The following DPAGT1 variants were observed in gnomAD, a reference collection of about 807,000 sequenced individuals.
DPAGT1 encodes the protein dolichyl-phosphate N-acetylglucosaminephosphotransferase 1, also known as UDP-N-acetylglucosamine--dolichyl-phosphate N-acetylglucosaminephosphotransferase.
In DPAGT1, 25 loss-of-function variants were observed where a neutral mutation model predicts 39.3. The ratio of observed to expected loss-of-function variants is 0.64; its 90% CI spans 0.46 to 0.89. The LOEUF (loss-of-function observed/expected upper bound fraction) is 0.89, where lower values mean the gene tolerates loss of function less well. Among genes scored for constraint, DPAGT1 ranks in the 40% least tolerant of loss-of-function variants. The pLI, the probability that DPAGT1 is intolerant of heterozygous loss-of-function variation, is 0.00. For synonymous variants in DPAGT1, 193 were observed against 201.4 expected, an observed-to-expected ratio of 0.96 and a Z score of 0.36; for missense variants, 381 against 500.6, an observed-to-expected ratio of 0.76 and a Z score of 2.28.
Position 119,098,018 on chromosome 11 carries a change from C to A in DPAGT1, c.754G>T (p.Asp252Tyr). Residue 252 changes from aspartate (D) to tyrosine (Y), a missense_variant, in exon 6 of 9, where the codon GAT becomes TAT. Physicochemically the swap from Asp to Tyr is radical, Grantham distance 160. Transcript: ENST00000354202. ...NWYPSRVFVG[D>Y]TFCYFAGMTF... ...ATGCCAGCAAAGTAACAGAAGGTAT[C>A]TCCCACAAACACCCGTGATGGGTAC... is the stretch of plus-strand genomic sequence containing the variant. 1 of 1,614,222 alleles carries A rather than the reference C, an allele frequency of 6.2e-7. No individual in the cohort carries two copies. Among genetic ancestry groups the A allele is most frequent in the South Asian group, 1.1e-5 (1 of 91,090 alleles).
intron 4 of DPAGT1, among the ~76,000 whole-genome samples, chr11:119,099,825 T>C (rs955921395): frequency 6.9e-6 from 1 of 145,266 alleles, no homozygotes; most frequent in Non-Finnish European, 1.5e-5. Context: ...AGGAACTGAG[T>C]TGTTATTGGA....
At position 119,101,047 on chromosome 11, in the gene DPAGT1, C is replaced by G. The variant is rs781224323; in HGVS notation, c.253G>C (p.Glu85Gln). Residue 85 changes from glutamate (E) to glutamine (Q), a missense_variant, in exon 2 of 9, where the codon GAG (glutamate) becomes CAG (glutamine). Transcript: ENST00000354202. ...TGGTGGGGGAATGCCTTACACTGCT[C>G]CTTCACAAAGCAGTTCAGGAAGGGG... ...PFPFLNCFVK[E>Q]QCKAFPHHEF... is the part of the protein sequence containing the mutation. 8.7e-6 allele frequency: 14 copies of G among 1,614,052 alleles called. No homozygotes were observed. The highest frequency in any genetic ancestry group is 2.2e-5 in the South Asian group (2 of 91,076).
At chr11:119,099,421 CAAAAA>C (rs55735634) in intron 4 of DPAGT1, among the ~76,000 whole-genome samples, 6 of 113,156 alleles carry the variant, frequency 5.3e-5, no homozygotes, top group Admixed American at 1.9e-4. Flanking sequence ...AACTCCGTCT[CAAAAA>C]AAAAAAAAAA....
Position 119,097,270 on chromosome 11 carries a change from C to G in DPAGT1, c.1033G>C (p.Val345Leu), listed in dbSNP as rs1440605260. ...KVAESLQLVT[V>L]HQSETEDGEF... is the part of the protein sequence containing the mutation. ...CCATCTTCAGTCTCACTCTGGTGTA[C>G]TGTCACCAGCTGGAGGCTCTCTGCC... is the stretch of plus-strand genomic sequence containing the variant. The change falls in exon 8 of 9, where the codon GTA becomes CTA. Residue 345 changes from valine to leucine, a missense_variant. Transcript: ENST00000354202. The surrounding 1 kb of genome is among the most constrained non-coding windows in gnomAD (Gnocchi z 4.6). The G allele has an allele frequency of 2.5e-6, 4 of 1,614,080 alleles. No individual in the cohort carries two copies. Among genetic ancestry groups the G allele is most frequent in the African/African-American group, 2.7e-5 (2 of 74,912 alleles).
chr11:119,097,821 C>T lies in DPAGT1; in HGVS notation c.917+34G>A. ...GCATTAGATATCCCAAGTGAAAAGG[C>T]TATGATGTCCATTTCAAGCCAAAAA... On this transcript the variant is annotated intron_variant, in intron 6 of 8. Transcript: ENST00000354202. This position sits in a 1 kb window ranked among gnomAD's most constrained non-coding sequence, Gnocchi z 4.6. The T allele has an allele frequency of 6.2e-7, 1 of 1,612,860 alleles. No homozygotes were observed. The highest frequency in any genetic ancestry group is 2.2e-5 in the East Asian group (1 of 44,876).
chr11:119,100,429 A>G (rs760743805), intron 3 of DPAGT1, 21 bp from the exon 4 acceptor site: 22 of 1,614,164 alleles, frequency 1.4e-5, no homozygotes, highest in Non-Finnish European at 1.8e-5. Flanking sequence ...AGATGGTAGG[A>G]AAAGAAGTAG....
Position 119,097,222 on chromosome 11 carries a change from T to C in DPAGT1, c.1081A>G (p.Met361Val), listed in dbSNP as rs1239706049. 1.2e-6 allele frequency: 2 copies of C among 1,614,214 alleles called. No individual in the cohort carries two copies. The highest frequency in any genetic ancestry group is 1.7e-6 in the Non-Finnish European group (2 of 1,180,046). The change falls in exon 8 of 9, where the codon ATG (methionine) becomes GTG (valine). Residue 361 changes from methionine to valine, a missense_variant. Physicochemically the swap from Met to Val is conservative, Grantham distance 21 (BLOSUM62 1). Transcript: ENST00000354202. The surrounding 1 kb of genome is among the most constrained non-coding windows in gnomAD (Gnocchi z 4.6). ...EDGEFTECNN[M>V]TLINLLLKVL... is the part of the protein sequence containing the mutation. ...TTAAGTAGCAAGTTGATGAGGGTCA[T>C]GTTGTTACATTCAGTGAATTCACCA...
rs950518958 is a variant in DPAGT1, at chr11:119,101,493, A to G, written c.161+2T>C. The G allele has an allele frequency of 6.2e-7, 1 of 1,613,984 alleles. No individual in the cohort carries two copies. Among genetic ancestry groups the G allele is most frequent in the Admixed American group, 1.7e-5 (1 of 60,018 alleles). On this transcript the variant is annotated splice_donor_variant, in intron 1 of 8. Transcript: ENST00000354202. LOFTEE classifies it high-confidence loss of function. Reference sequence around the variant, plus strand: ...TGCCCGGACCCGTGTGCCGCTGCTCACATCTGCTGTCGGCTGGTTTTGTTG... The same window carrying G: ...TGCCCGGACCCGTGTGCCGCTGCTCGCATCTGCTGTCGGCTGGTTTTGTTG...
At chr11:119,099,905 T>G (rs189566604) in intron 4 of DPAGT1, among the ~76,000 whole-genome samples, 21 of 152,150 alleles carry the variant, frequency 1.4e-4, no homozygotes, top group Admixed American at 1.4e-3. Flanking sequence ...CTCAGTGTTC[T>G]TGTGGTTTTG....
chr11:119,099,704 G>A (rs1338310371), intron 4 of DPAGT1, among the ~76,000 whole-genome samples: 5 of 145,622 alleles, frequency 3.4e-5, no homozygotes, highest in East Asian at 2.0e-4. Context: ...CAGGAGGATC[G>A]TTTGAGTCAG....
Position 119,101,489 on chromosome 11 carries a change from G to T in DPAGT1, c.161+6C>A. 6.2e-7 allele frequency: 1 copy of T among 1,614,022 alleles called. No homozygotes were observed. Among genetic ancestry groups the T allele is most frequent in the Non-Finnish European group, 8.5e-7 (1 of 1,179,910 alleles). ...CCCCTGCCCGGACCCGTGTGCCGCT[G>T]CTCACATCTGCTGTCGGCTGGTTTT... On this transcript the variant is annotated splice_donor_region_variant and intron_variant, in intron 1 of 8. Coordinates refer to ENST00000354202, the MANE Select transcript of DPAGT1 (RefSeq NM_001382.4).
chr11:119,100,563 A>G, intron 3 of DPAGT1, 67 bp downstream of exon 3: 1 of 1,603,554 alleles, frequency 6.2e-7, no homozygotes, highest in Non-Finnish European at 8.5e-7. Flanking sequence ...TTGGAGGAGA[A>G]TGTGGAGCAC....
intron 4 of DPAGT1, 142 bp from the exon 5 acceptor site, chr11:119,098,629 T>C: frequency 1.3e-6 from 1 of 797,440 alleles, no homozygotes; most frequent in Admixed American, 2.0e-5. Context: ...ACTCCTTTTA[T>C]GTCACCCAAG....
Position 119,096,829 on chromosome 11 carries a change from G to A in DPAGT1, c.*169C>T, listed in dbSNP as rs981745573. 7 of 812,544 alleles carry A rather than the reference G, an allele frequency of 8.6e-6. No individual in the cohort carries two copies. Among genetic ancestry groups the A allele is most frequent in the Non-Finnish European group, 1.2e-5 (6 of 494,528 alleles). The allele number at this position is 812,544 out of a possible 1,614,324, so 50.3% of individuals were successfully genotyped here. A position where few individuals can be genotyped will look rare whatever the true frequency, so the allele number is the denominator to read the frequency against. On this transcript the variant is annotated 3_prime_UTR_variant, in exon 9 of 9. Transcript: ENST00000354202. The stretch of plus-strand genomic sequence containing the variant: ...CAGTAGTCAGCAGAGGGCAAGAAAC[G>A]CCCAGGATGCCAATGATCACAGAGA...
chr11:119,095,501 C>T (rs1946378525), downstream of DPAGT1: 5 of 1,216,616 alleles, frequency 4.1e-6, no homozygotes, highest in African/African-American at 6.2e-5. Context: ...TTTATAAGCC[C>T]CCAGGACACA....
downstream of DPAGT1, among the ~76,000 whole-genome samples, chr11:119,095,723 G>A (rs28990977): frequency 4.6e-4 from 70 of 152,268 alleles, no homozygotes; most frequent in East Asian, 8.1e-3. Context: ...AAGCGCGCGA[G>A]ATTTAAACAC....
chr11:119,101,264 G>A (rs997010797), intron 1 of DPAGT1, 126 bp from the exon 2 acceptor site: 11 of 1,417,360 alleles, frequency 7.8e-6, no homozygotes, highest in African/African-American at 2.8e-5. Context: ...TAAGTGGTGA[G>A]GGGGGCGGAG....
At position 119,097,117 on chromosome 11, in the gene DPAGT1, G is replaced by A. The variant is rs953075642; in HGVS notation, c.1161+25C>T. 5.0e-6 allele frequency: 8 copies of A among 1,614,234 alleles called. No individual in the cohort carries two copies. The highest frequency in any genetic ancestry group is 6.8e-6 in the Non-Finnish European group (8 of 1,180,040). On this transcript the variant is annotated intron_variant, in intron 8 of 8. Transcript: ENST00000354202. This position sits in a 1 kb window ranked among gnomAD's most constrained non-coding sequence, Gnocchi z 4.6. ...ATCACGCAGAAAGGGAGACACGGAG[G>A]TATAAACTCGATTCCCATCCTCACC...
intron 4 of DPAGT1, among the ~76,000 whole-genome samples, chr11:119,099,720 G>C (rs1466850145): frequency 2.0e-5 from 3 of 148,458 alleles, no homozygotes; most frequent in Non-Finnish European, 1.5e-5. Context: ...GTCAGAGGAT[G>C]CAGTGAGCTA....
Sources: gnomAD v4.1 joint callset for allele counts (sites outside exome capture counted in the v4.1 genomes callset) on GRCh38, gnomAD v4.1.1 for gene constraint, Gnocchi (gnomAD v3.1) non-coding constraint, MANE v1.5 for transcripts, NCBI Gene and HGNC (gene_info 2026-07-23, HGNC 2026-07-21) for gene names.